IL10RA: variants seen among roughly 807,000 people sequenced by gnomAD.
IL10RA encodes interleukin 10 receptor subunit alpha.
Under a neutral mutation model 29.6 loss-of-function variants are expected in IL10RA, and 18 were observed. The observed-to-expected ratio is 0.61, with a 90% CI of 0.42 to 0.90. IL10RA has a LOEUF of 0.90. Among genes scored for constraint, IL10RA ranks in the 40% least tolerant of loss-of-function variants. IL10RA has a pLI of 0.00. For missense variants in IL10RA, 634 were observed against 716.6 expected (o/e 0.88, Z 1.32); for synonymous variants, 292 against 294.1 (o/e 0.99, Z 0.07).
chr11:117,994,394 G>T (rs1387375833), intron 5 of IL10RA, among the ~76,000 whole-genome samples: 1 of 152,162 alleles, frequency 6.6e-6, no homozygotes, highest in East Asian at 1.9e-4. Flanking sequence ...AGGTCTCTTG[G>T]ATCTAGGGTC....
In IL10RA at chr11:117,999,713, G is replaced by A; in HGVS notation, c.*72G>A. The A allele has an allele frequency of 7.1e-7, 1 of 1,409,058 alleles. No homozygotes were observed. Among genetic ancestry groups the A allele is most frequent in the Non-Finnish European group, 1.0e-6 (1 of 1,001,502 alleles). 87.3% of individuals were successfully genotyped at this position (1,409,058 alleles called of 1,614,324 possible). On this transcript the variant is annotated 3_prime_UTR_variant, in exon 7 of 7. Coordinates refer to ENST00000227752, the MANE Select transcript of IL10RA (RefSeq NM_001558.4). ...GCCTGGACCAGGAGGAGGGCCCCTGGGGCAGAAGTTAGGCACGAGGCAGTC... is the reference window on the plus strand; with the variant it reads ...GCCTGGACCAGGAGGAGGGCCCCTGAGGCAGAAGTTAGGCACGAGGCAGTC...
chr11:117,993,876 T>G (rs1404025788), intron 4 of IL10RA, 123 bp from the exon 5 acceptor site: 4 of 772,520 alleles, frequency 5.2e-6, no homozygotes, highest in African/African-American at 5.2e-5. Flanking sequence ...GTGGGGTTTG[T>G]CATCTTAGAC....
In IL10RA at chr11:118,000,264, G is replaced by A. The variant is rs774515293; in HGVS notation, c.*623G>A. ...AACACATCATAATGGATTCACTGAGGGGAGACAAAGGGAGCCGAGACCCTG... is the reference window on the plus strand; with the variant it reads ...AACACATCATAATGGATTCACTGAGAGGAGACAAAGGGAGCCGAGACCCTG... On this transcript the variant is annotated 3_prime_UTR_variant, in exon 7 of 7. Coordinates refer to ENST00000227752, the MANE Select transcript of IL10RA (RefSeq NM_001558.4). 1 of 454,164 alleles carries A rather than the reference G, an allele frequency of 2.2e-6. No homozygotes were observed. The highest frequency in any genetic ancestry group is 1.6e-5 in the South Asian group (1 of 64,476). 28.1% of individuals were successfully genotyped at this position (454,164 alleles called of 1,614,324 possible). A position where few individuals can be genotyped will look rare whatever the true frequency, so the allele number is the denominator to read the frequency against.
chr11:117,989,448 A>G lies in IL10RA; in HGVS notation c.195A>G (p.Gly65=). ...TAACCTGGTATCTCCTCAGGTATGGAATAGAGTCCTGGAACTCCATCTCCA... is the reference window on the plus strand; with the variant it reads ...TAACCTGGTATCTCCTCAGGTATGGGATAGAGTCCTGGAACTCCATCTCCA... ...TCYEVALLRY[G]IESWNSISNC... is the part of the protein sequence containing the mutation. Residue 65 remains glycine, a synonymous_variant, in exon 3 of 7, where the codon GGA becomes GGG. Coordinates refer to ENST00000227752, the MANE Select transcript of IL10RA (RefSeq NM_001558.4). The surrounding 1 kb of genome is among the most constrained non-coding windows in gnomAD (Gnocchi z 4.5). 1 of 1,614,046 alleles carries G rather than the reference A, an allele frequency of 6.2e-7. No homozygotes were observed. The highest frequency in any genetic ancestry group is 8.5e-7 in the Non-Finnish European group (1 of 1,179,868).
Position 118,000,176 on chromosome 11 carries a change from G to A in IL10RA, c.*535G>A, listed in dbSNP as rs767821571. ...GTCACATGGGGAACCTCCCCTCATCGGGCCTCTGGGGCAGGAAGCTTGTCA... is the reference window on the plus strand; with the variant it reads ...GTCACATGGGGAACCTCCCCTCATCAGGCCTCTGGGGCAGGAAGCTTGTCA... On this transcript the variant is annotated 3_prime_UTR_variant, in exon 7 of 7. Transcript: ENST00000227752. The A allele has an allele frequency of 3.5e-5, 16 of 454,292 alleles. No individual in the cohort carries two copies. Among genetic ancestry groups the A allele is most frequent in the East Asian group, 1.4e-4 (2 of 14,548 alleles). 28.1% of individuals were successfully genotyped at this position (454,292 alleles called of 1,614,324 possible). A position where few individuals can be genotyped will look rare whatever the true frequency, so the allele number is the denominator to read the frequency against.
chr11:117,998,945 G>A lies in IL10RA; in HGVS notation c.1041G>A (p.Thr347=), dbSNP rs62636561. The A allele has an allele frequency of 3.1e-4, 499 of 1,613,454 alleles. 2 individuals carry two copies. The African/African-American group carries it at 5.4e-3, about 18-fold the overall frequency. The change falls in exon 7 of 7, where the codon ACG becomes ACA. Residue 347 remains threonine, a synonymous_variant. Transcript: ENST00000227752. ...ACCCTCACCCCCAGGCTGACAGAAC[G>A]CTGGGAAACAGGGAGCCCCCTGTGC... ...LPDPHPQADR[T]LGNREPPVLG...
At chr11:117,996,258 T>G (rs1419126211) in intron 6 of IL10RA, among the ~76,000 whole-genome samples, 2 of 145,044 alleles carry the variant, frequency 1.4e-5, no homozygotes, top group South Asian at 2.1e-4. Context: ...TGGGGGGCGG[T>G]GGGGATGCTG....
rs1180144766 is a variant in IL10RA at position 117,988,380 on chromosome 11, A to T, written c.68-2A>T. The T allele has an allele frequency of 1.2e-6, 2 of 1,614,050 alleles. No homozygotes were observed. The highest frequency in any genetic ancestry group is 4.5e-5 in the East Asian group (2 of 44,884). ...CTGTGGTACTGACACTCTTCTCCCC[A>T]GGGACAGAGCTGCCCAGCCCTCCGT... On this transcript the variant is annotated splice_acceptor_variant, in intron 1 of 6. Coordinates refer to ENST00000227752, the MANE Select transcript of IL10RA (RefSeq NM_001558.4). LOFTEE classifies it high-confidence loss of function.
rs1330302339 is a variant in IL10RA, at chr11:118,000,992, C to A, written c.*1351C>A. 1 of 454,180 alleles carries A rather than the reference C, an allele frequency of 2.2e-6. No individual in the cohort carries two copies. The allele number at this position is 454,180 out of a possible 1,614,324, so 28.1% of individuals were successfully genotyped here. ...GAAGCTGTGAGGGGACAGGCCTGTG[C>A]GTGCCATCCAGAGTCATCTCAGCCC... On this transcript the variant is annotated 3_prime_UTR_variant, in exon 7 of 7. Coordinates refer to ENST00000227752, the MANE Select transcript of IL10RA (RefSeq NM_001558.4).
chr11:117,993,223 C>CA lies in IL10RA; in HGVS notation c.368-17dup. 1 of 1,612,852 alleles carries CA rather than the reference C, an allele frequency of 6.2e-7. No individual in the cohort carries two copies. The highest frequency in any genetic ancestry group is 8.5e-7 in the Non-Finnish European group (1 of 1,178,874). On this transcript the variant is annotated splice_polypyrimidine_tract_variant and intron_variant, in intron 3 of 6. Coordinates refer to ENST00000227752, the MANE Select transcript of IL10RA (RefSeq NM_001558.4). Reference sequence around the variant, plus strand: ...CCTCAAGTCTCATGGTATTCCCCCCCACCCCAACTCCATTTAGTGACTCTG... The same window carrying CA: ...CCTCAAGTCTCATGGTATTCCCCCCCAACCCCAACTCCATTTAGTGACTCTG...
intron 4 of IL10RA, 121 bp downstream of exon 4, chr11:117,993,531 G>A: frequency 1.1e-6 from 1 of 883,968 alleles, no homozygotes. Flanking sequence ...GGTCTGGGAT[G>A]GTGGGTGGGC....
At chr11:117,987,156 G>A in intron 1 of IL10RA, 1 of 325,048 alleles carries the variant, frequency 3.1e-6, no homozygotes, top group East Asian at 7.8e-5. Context: ...GAATGAAAGA[G>A]CCGGGAGTTG....
At chr11:117,988,829 C>T (rs2058004846) in intron 2 of IL10RA, among the ~76,000 whole-genome samples, 3 of 152,216 alleles carry the variant, frequency 2.0e-5, no homozygotes, top group Admixed American at 1.3e-4. Flanking sequence ...GGCGCAATCT[C>T]AGCTCACTGC....
At chr11:117,993,115 G>A (rs2058033955) in intron 3 of IL10RA, 126 bp from the exon 4 acceptor site, 6 of 837,534 alleles carry the variant, frequency 7.2e-6, no homozygotes, top group East Asian at 2.5e-5. Context: ...TGACAAACCT[G>A]TGGCCAAGTT....
chr11:117,999,335 C>A lies in IL10RA; in HGVS notation c.1431C>A (p.Phe477Leu). The stretch of plus-strand genomic sequence containing the variant: ...TGACAGATGGCCTTGGCCCCAAATT[C>A]GGGAGATGCCTGGTTGATGAGGCAG... ...SPLTDGLGPK[F>L]GRCLVDEAGL... Residue 477 changes from phenylalanine to leucine, a missense_variant, in exon 7 of 7, where the codon TTC becomes TTA. Phe to Leu is a conservative substitution (Grantham distance 22, BLOSUM62 0). Coordinates refer to ENST00000227752, the MANE Select transcript of IL10RA (RefSeq NM_001558.4). 1 of 1,614,232 alleles carries A rather than the reference C, an allele frequency of 6.2e-7. No individual in the cohort carries two copies. Among genetic ancestry groups the A allele is most frequent in the Non-Finnish European group, 8.5e-7 (1 of 1,180,042 alleles).
Position 117,989,633 on chromosome 11 carries a change from CCTTGA to C in IL10RA, c.367+17_367+21del. The C allele has an allele frequency of 6.2e-7, 1 of 1,612,924 alleles. No individual in the cohort carries two copies. The highest frequency in any genetic ancestry group is 8.5e-7 in the Non-Finnish European group (1 of 1,179,746). On this transcript the variant is annotated intron_variant, in intron 3 of 6. Coordinates refer to ENST00000227752, the MANE Select transcript of IL10RA (RefSeq NM_001558.4). The surrounding 1 kb of genome is among the most constrained non-coding windows in gnomAD (Gnocchi z 4.5). ...TCTGTGGATGAAGGTGCTTTTCCTCCCTTGACTTAGAACATGGCTCTGAAGTCCCT... is the reference window on the plus strand; with the variant it reads ...TCTGTGGATGAAGGTGCTTTTCCTCCCTTAGAACATGGCTCTGAAGTCCCT...
At chr11:117,992,197 T>A (rs2058027281) in intron 3 of IL10RA, among the ~76,000 whole-genome samples, 1 of 152,234 alleles carries the variant, frequency 6.6e-6, no homozygotes, top group Non-Finnish European at 1.5e-5. Context: ...CTAATTTCAA[T>A]ATCTTTCGAT....
At chr11:117,987,054 GCCAGTTCAGGCTTCTAAC>G in intron 1 of IL10RA, 1 of 373,462 alleles carries the variant, frequency 2.7e-6, no homozygotes, top group South Asian at 2.0e-5. Flanking sequence ...TCCTAACCCA[GCCAGTTCAGGCTTCTAAC>G]CCAGTTCAGG....
Position 117,998,717 on chromosome 11 carries a change from C to G in IL10RA, c.813C>G (p.Leu271=), listed in dbSNP as rs765687193. 2 of 1,614,050 alleles carry G rather than the reference C, an allele frequency of 1.2e-6. No individual in the cohort carries two copies. Among genetic ancestry groups the G allele is most frequent in the Non-Finnish European group, 1.7e-6 (2 of 1,179,924 alleles). The change falls in exon 7 of 7, where the codon CTC becomes CTG. Residue 271 remains leucine (L), a splice_region_variant and synonymous_variant. Coordinates refer to ENST00000227752, the MANE Select transcript of IL10RA (RefSeq NM_001558.4). ...TCACTCTGCCCTCTCTTCCCCAGCT[C>G]TTCAAGAAGCCCAGCCCCTTCATCT... is the stretch of plus-strand genomic sequence containing the variant. ...RRRKKLPSVL[L]FKKPSPFIFI...
Sources: gnomAD v4.1 joint callset for allele counts (sites outside exome capture counted in the v4.1 genomes callset) on GRCh38, gnomAD v4.1.1 for gene constraint, Gnocchi (gnomAD v3.1) non-coding constraint, MANE v1.5 for transcripts, NCBI Gene and HGNC (gene_info 2026-07-23, HGNC 2026-07-21) for gene names.